PLAGL1: variants seen among roughly 807,000 people sequenced by gnomAD.
The protein encoded by PLAGL1 is PLAG1 like zinc finger 1, also known as zinc finger protein PLAGL1.
Under a neutral mutation model 4.6 loss-of-function variants are expected in PLAGL1, and 1 was observed. The observed-to-expected ratio is 0.22, with a 90% CI of 0.08 to 1.03. The LOEUF (loss-of-function observed/expected upper bound fraction) is 1.03. PLAGL1 is among the 50% of genes least tolerant of loss of function. The pLI is 0.58. For synonymous variants in PLAGL1, 240 were observed against 237.8 expected (o/e 1.01, Z -0.08); for missense variants, 464 against 570.4 (o/e 0.81, Z 1.90).
rs1778338912 is a variant in PLAGL1 at position 143,940,423 on chromosome 6, A to G, written c.*1001T>C. The G allele has an allele frequency of 6.6e-6, 1 of 152,222 alleles. No homozygotes were observed. The highest frequency in any genetic ancestry group is 6.5e-5 in the Admixed American group (1 of 15,286). 9.4% of individuals were successfully genotyped at this position (152,222 alleles called of 1,614,324 possible). On this transcript the variant is annotated 3_prime_UTR_variant, in exon 8 of 8. Transcript: ENST00000674357. ...CATCTTTAAAACTCATTAATAAGAT[A>G]CCAAATTCAAGAGATTATAGTTACA...
At chr6:144,047,761 T>G (rs2143151) in intron 1 of PLAGL1, among the ~76,000 whole-genome samples, 139,415 of 152,152 alleles carry the variant, frequency 0.92, 64,123 homozygotes, top group African/African-American at 0.98. Flanking sequence ...GGAACACAAA[T>G]TCTAACCATA....
At chr6:143,946,994 C>A (rs183547421) in intron 7 of PLAGL1, among the ~76,000 whole-genome samples, 1 of 152,144 alleles carries the variant, frequency 6.6e-6, no homozygotes, top group Non-Finnish European at 1.5e-5. Flanking sequence ...GATCCACTGG[C>A]GGCAGAAACG....
rs1787110490 is a variant in PLAGL1 at position 143,978,075 on chromosome 6, T to G, written c.-544+7060A>C. Among the ~76,000 whole-genome samples, 2 of 152,222 alleles carry G rather than the reference T, an allele frequency of 1.3e-5. No individual in the cohort carries two copies. The highest frequency in any genetic ancestry group is 4.8e-5 in the African/African-American group (2 of 41,450). On this transcript the variant is annotated intron_variant, in intron 2 of 7. Coordinates refer to ENST00000674357, the MANE Select transcript of PLAGL1 (RefSeq NM_001317162.2). The surrounding 1 kb of genome is among the most constrained non-coding windows in gnomAD (Gnocchi z 4.6). Reference sequence around the variant, plus strand: ...GGCAATTGGTGTACTCATTTTTCCTTGGTTGCCTGGCTAGAGATTTATCAT... The same window carrying G: ...GGCAATTGGTGTACTCATTTTTCCTGGGTTGCCTGGCTAGAGATTTATCAT...
rs1361035187 is a variant in PLAGL1 at position 143,973,066 on chromosome 6, G to C, written c.-543-4088C>G. ...TTGAGGTCTAATTTTCCCTGTGCCT[G>C]GTTTTCACAAGAAGGTCCATTCCAC... On this transcript the variant is annotated intron_variant, in intron 2 of 7. Coordinates refer to ENST00000674357, the MANE Select transcript of PLAGL1 (RefSeq NM_001317162.2). The surrounding 1 kb of genome is among the most constrained non-coding windows in gnomAD (Gnocchi z 6.2). Among the ~76,000 whole-genome samples the C allele has an allele frequency of 1.3e-5, 2 of 152,148 alleles. No individual in the cohort carries two copies. Among genetic ancestry groups the C allele is most frequent in the African/African-American group, 2.4e-5 (1 of 41,416 alleles).
At chr6:143,943,229 C>T (rs9403539) in intron 7 of PLAGL1, among the ~76,000 whole-genome samples, 130,169 of 151,556 alleles carry the variant, frequency 0.86, 56,210 homozygotes, top group East Asian at 1. Context: ...TATGCAAGTA[C>T]TTAAAAATAC....
In PLAGL1 at chr6:144,053,568, CTA is replaced by C. The variant is rs1440080441; in HGVS notation, c.-151+10898_-151+10899del. The stretch of plus-strand genomic sequence containing the variant: ...AACTATTCAATAACTGTGCAAAATA[CTA>C]TTTGATTAAATATGATGGACAGTAC... On this transcript the variant is annotated intron_variant, in intron 1 of 3. Coordinates refer to the PLAGL1 transcript ENST00000437412. This position sits in a 1 kb window ranked among gnomAD's most constrained non-coding sequence, Gnocchi z 4.0. 6.6e-6 allele frequency among the ~76,000 whole-genome samples: 1 copy of C among 152,208 alleles called. No homozygotes were observed. Among genetic ancestry groups the C allele is most frequent in the Non-Finnish European group, 1.5e-5 (1 of 68,044 alleles).
At position 143,983,234 on chromosome 6, in the gene PLAGL1, A is replaced by G. The variant is rs1001227247; in HGVS notation, c.-544+1901T>C. ...CAGTGCTTCTGACAGGTCAAGGAAG[A>G]TACAGACTGAGAATTAATGGTTGAG... On this transcript the variant is annotated intron_variant, in intron 2 of 7. Transcript: ENST00000674357. The surrounding 1 kb of genome is among the most constrained non-coding windows in gnomAD (Gnocchi z 6.6). Among the ~76,000 whole-genome samples, 1 of 152,236 alleles carries G rather than the reference A, an allele frequency of 6.6e-6. No individual in the cohort carries two copies. Among genetic ancestry groups the G allele is most frequent in the Non-Finnish European group, 1.5e-5 (1 of 68,032 alleles).
intron 1 of PLAGL1, among the ~76,000 whole-genome samples, chr6:143,986,233 G>A (rs977226170): frequency 8.6e-5 from 13 of 151,696 alleles, no homozygotes; most frequent in Admixed American, 2.6e-4. Context: ...TCATTGCTAT[G>A]ACAAATAAAT....
In PLAGL1 at chr6:144,027,246, A is replaced by AACGAAC. The variant is rs759396541; in HGVS notation, c.-151+37221_-151+37222insGTTCGT. Among the ~76,000 whole-genome samples the AACGAAC allele has an allele frequency of 2.5e-5, 3 of 121,592 alleles. No individual in the cohort carries two copies. Among genetic ancestry groups the AACGAAC allele is most frequent in the South Asian group, 5.8e-4 (2 of 3,440 alleles). 79.8% of individuals were successfully genotyped at this position (121,592 alleles called of 152,430 possible). A position where few individuals can be genotyped will look rare whatever the true frequency, so the allele number is the denominator to read the frequency against. ...CTCAAAGAACGAACGAAAGAAAGAA[A>AACGAAC]GAAAGAAAGAAAGAAAGAAAGAAAG... On this transcript the variant is annotated intron_variant, in intron 1 of 3. Transcript: ENST00000437412. This position sits in a 1 kb window ranked among gnomAD's most constrained non-coding sequence, Gnocchi z 5.8.
At position 144,039,516 on chromosome 6, in the gene PLAGL1, G is replaced by A. The variant is rs1797552716; in HGVS notation, c.-151+24952C>T. On this transcript the variant is annotated intron_variant, in intron 1 of 3. Transcript: ENST00000437412. This position sits in a 1 kb window ranked among gnomAD's most constrained non-coding sequence, Gnocchi z 4.1. Reference sequence around the variant, plus strand: ...CACGAGAATTGCTTGAACCTGGGAGGTGGAGGTTGCAGTGAGCCAAGATTG... The same window carrying A: ...CACGAGAATTGCTTGAACCTGGGAGATGGAGGTTGCAGTGAGCCAAGATTG... Among the ~76,000 whole-genome samples, 1 of 152,222 alleles carries A rather than the reference G, an allele frequency of 6.6e-6. No homozygotes were observed. The highest frequency in any genetic ancestry group is 2.4e-5 in the African/African-American group (1 of 41,450).
In PLAGL1 at chr6:144,000,437, C is replaced by G. The variant is rs1164210346; in HGVS notation, c.-584+7653G>C. Among the ~76,000 whole-genome samples, 1 of 151,934 alleles carries G rather than the reference C, an allele frequency of 6.6e-6. No homozygotes were observed. The highest frequency in any genetic ancestry group is 1.5e-5 in the Non-Finnish European group (1 of 67,922). ...AACTAAGAGAAACTATTCACAGTAG[C>G]AACAAAAATCATCAGGATCTAGAAA... On this transcript the variant is annotated intron_variant, in intron 1 of 7. Coordinates refer to ENST00000674357, the MANE Select transcript of PLAGL1 (RefSeq NM_001317162.2). The surrounding 1 kb of genome is among the most constrained non-coding windows in gnomAD (Gnocchi z 4.1).
rs530066278 is a variant in PLAGL1, at chr6:143,980,378, C to T, written c.-544+4757G>A. Among the ~76,000 whole-genome samples, 178 of 136,998 alleles carry T rather than the reference C, an allele frequency of 1.3e-3. 1 individual carries two copies. The highest frequency in any genetic ancestry group is 5.5e-3 in the Admixed American group (73 of 13,330). 89.9% of individuals were successfully genotyped at this position (136,998 alleles called of 152,430 possible). A position where few individuals can be genotyped will look rare whatever the true frequency, so the allele number is the denominator to read the frequency against. ...CCACAGCTCACTGATGTGCTATTCA[C>T]TTTTTTCTAGTTTTTTTTTTTTTTT... On this transcript the variant is annotated intron_variant, in intron 2 of 7. Coordinates refer to ENST00000674357, the MANE Select transcript of PLAGL1 (RefSeq NM_001317162.2).
At chr6:144,062,820 C>T (rs1799531147) in intron 1 of PLAGL1, among the ~76,000 whole-genome samples, 1 of 152,168 alleles carries the variant, frequency 6.6e-6, no homozygotes, top group Non-Finnish European at 1.5e-5. Flanking sequence ...AATGATGGAA[C>T]AGAAATTCAC....
rs1197709987 is a variant in PLAGL1 at position 143,941,413 on chromosome 6, T to G, written c.*11A>C. The G allele has an allele frequency of 4.0e-6, 6 of 1,492,042 alleles. No individual in the cohort carries two copies. Among genetic ancestry groups the G allele is most frequent in the Non-Finnish European group, 4.5e-6 (5 of 1,120,572 alleles). 92.4% of individuals were successfully genotyped at this position (1,492,042 alleles called of 1,614,324 possible). ...TCTTCCAGAATACGAAAAATACACT[T>G]TAAAAATCAATTATCTGAATGCATG... On this transcript the variant is annotated 3_prime_UTR_variant, in exon 8 of 8. Transcript: ENST00000674357. This position sits in a 1 kb window ranked among gnomAD's most constrained non-coding sequence, Gnocchi z 6.0.
chr6:144,052,519 T>C (rs1798648153), intron 1 of PLAGL1, among the ~76,000 whole-genome samples: 1 of 152,190 alleles, frequency 6.6e-6, no homozygotes. Context: ...AGCACTCTAC[T>C]CCCAGAGCCT....
rs989707595 is a variant in PLAGL1 at position 144,015,508 on chromosome 6, C to A, written c.-150-46530G>T. ...AAATCTAAGCCACATGGGAAAAAGT[C>A]TTCACAATGCATATATCTGACATAG... On this transcript the variant is annotated intron_variant, in intron 1 of 3. Coordinates refer to the PLAGL1 transcript ENST00000437412. The surrounding 1 kb of genome is among the most constrained non-coding windows in gnomAD (Gnocchi z 4.3). 5.9e-5 allele frequency among the ~76,000 whole-genome samples: 9 copies of A among 152,192 alleles called. No homozygotes were observed. Among genetic ancestry groups the A allele is most frequent in the African/African-American group, 1.9e-4 (8 of 41,454 alleles).
In PLAGL1 at chr6:143,962,675, C is replaced by T. The variant is rs963914367; in HGVS notation, c.-399+2112G>A. Among the ~76,000 whole-genome samples, 7 of 152,202 alleles carry T rather than the reference C, an allele frequency of 4.6e-5. No individual in the cohort carries two copies. The highest frequency in any genetic ancestry group is 7.2e-5 in the African/African-American group (3 of 41,450). On this transcript the variant is annotated intron_variant, in intron 5 of 7. Coordinates refer to ENST00000674357, the MANE Select transcript of PLAGL1 (RefSeq NM_001317162.2). The surrounding 1 kb of genome is among the most constrained non-coding windows in gnomAD (Gnocchi z 5.3). ...TTCTCTCTTAATGAACTGGTTTAGC[C>T]GCCTGCTGGGCATTCACTGAAACCC...
intron 1 of PLAGL1, among the ~76,000 whole-genome samples, chr6:144,017,934 C>T (rs1192118252): frequency 6.6e-6 from 1 of 152,174 alleles, no homozygotes; most frequent in Non-Finnish European, 1.5e-5. Context: ...CCACTCCTTC[C>T]CTAGCCAGCC....
Position 143,948,150 on chromosome 6 carries a change from C to T in PLAGL1, c.-14G>A. On this transcript the variant is annotated 5_prime_UTR_variant, in exon 7 of 8. Coordinates refer to ENST00000674357, the MANE Select transcript of PLAGL1 (RefSeq NM_001317162.2). This position sits in a 1 kb window ranked among gnomAD's most constrained non-coding sequence, Gnocchi z 6.0. ...GAACGTGGCCATGGGCTTTGCTTCT[C>T]ACACCTTCCTTTTCAGATGTGCTGA... 1 of 1,611,452 alleles carries T rather than the reference C, an allele frequency of 6.2e-7. No individual in the cohort carries two copies. The highest frequency in any genetic ancestry group is 1.1e-5 in the South Asian group (1 of 90,926).
Sources: allele counts gnomAD v4.1 joint callset (sites outside exome capture counted in the v4.1 genomes callset), GRCh38; gene constraint gnomAD v4.1.1; non-coding constraint Gnocchi (gnomAD v3.1); transcripts MANE v1.5; gene names NCBI Gene and HGNC (gene_info 2026-07-23, HGNC 2026-07-21).